The following TMEM163 variants were observed in gnomAD, a reference collection of about 807,000 sequenced individuals.
TMEM163 encodes the protein transmembrane protein 163.
In TMEM163, 17 loss-of-function variants were observed where a neutral mutation model predicts 29.3. The ratio of observed to expected loss-of-function variants is 0.58; its 90% CI spans 0.40 to 0.87. TMEM163 has a LOEUF of 0.87. TMEM163 is among the 40% of genes least tolerant of loss of function. The pLI is 0.00. For synonymous variants in TMEM163, 157 were observed against 160.6 expected, an observed-to-expected ratio of 0.98 and a Z score of 0.17; for missense variants, 303 against 381.5, an observed-to-expected ratio of 0.79 and a Z score of 1.71.
intron 4 of TMEM163, among the ~76,000 whole-genome samples, chr2:134,528,814 A>T (rs1574209826): frequency 6.6e-6 from 1 of 152,234 alleles, no homozygotes. Context: ...CAGACACAAG[A>T]TTGTATAAAG....
chr2:134,686,707 T>A (rs938020207), intron 2 of TMEM163, among the ~76,000 whole-genome samples: 1 of 152,172 alleles, frequency 6.6e-6, no homozygotes, highest in African/African-American at 2.4e-5. Context: ...TTTGGAGGCG[T>A]GGAAGTGAAA....
At chr2:134,695,366 C>T (rs973518045) in intron 2 of TMEM163, among the ~76,000 whole-genome samples, 8 of 151,684 alleles carry the variant, frequency 5.3e-5, no homozygotes, top group African/African-American at 9.7e-5. Flanking sequence ...CGTGAGCCAC[C>T]GTGCCCGGGC....
chr2:134,605,421 G>A (rs1682331303), intron 2 of TMEM163, among the ~76,000 whole-genome samples: 1 of 152,050 alleles, frequency 6.6e-6, no homozygotes. Flanking sequence ...AGAAATATTT[G>A]GGCCAGGCAG....
At chr2:134,667,725 A>G (rs1414431848) in intron 2 of TMEM163, among the ~76,000 whole-genome samples, 2 of 152,238 alleles carry the variant, frequency 1.3e-5, no homozygotes, top group African/African-American at 4.8e-5. Context: ...ATAACACTGT[A>G]TGGATTTTCC....
intron 4 of TMEM163, among the ~76,000 whole-genome samples, chr2:134,548,730 G>A (rs1680843242): frequency 1.3e-5 from 2 of 152,150 alleles, no homozygotes; most frequent in Non-Finnish European, 2.9e-5. Flanking sequence ...ATATATTGGG[G>A]ATGGAACCCA....
intron 2 of TMEM163, among the ~76,000 whole-genome samples, chr2:134,609,839 G>T (rs1163254450): frequency 6.9e-6 from 1 of 144,962 alleles, no homozygotes; most frequent in East Asian, 2.1e-4. Context: ...CCCGAGAACT[G>T]TACTGGTGAA....
chr2:134,615,718 G>A (rs1234284263), intron 2 of TMEM163, among the ~76,000 whole-genome samples: 16 of 141,066 alleles, frequency 1.1e-4, no homozygotes, highest in African/African-American at 4.0e-4. Context: ...GTGCAGTGGC[G>A]CAATCTCGGC....
intron 2 of TMEM163, among the ~76,000 whole-genome samples, chr2:134,620,493 G>A (rs904530385): frequency 6.6e-6 from 1 of 152,114 alleles, no homozygotes; most frequent in East Asian, 1.9e-4. Context: ...CCAACCTCAG[G>A]TGATCCACCT....
chr2:134,692,735 T>C (rs1461542919), intron 2 of TMEM163, among the ~76,000 whole-genome samples: 2 of 152,140 alleles, frequency 1.3e-5, no homozygotes, highest in Admixed American at 1.3e-4. Context: ...CCTGCCCTCA[T>C]CACCTCATCA....
chr2:134,560,578 G>T (rs1405856500), intron 2 of TMEM163, among the ~76,000 whole-genome samples: 3 of 152,136 alleles, frequency 2.0e-5, no homozygotes, highest in Non-Finnish European at 4.4e-5. Flanking sequence ...CCTCTAAATG[G>T]ACCACTGCTT....
intron 4 of TMEM163, among the ~76,000 whole-genome samples, chr2:134,519,925 A>G (rs182176680): frequency 3.3e-5 from 5 of 151,548 alleles, no homozygotes; most frequent in Admixed American, 1.3e-4. Flanking sequence ...ACACACAAAC[A>G]TCCTCTGAAG....
intron 2 of TMEM163, among the ~76,000 whole-genome samples, chr2:134,705,057 A>T (rs188841687): frequency 6.6e-6 from 1 of 152,112 alleles, no homozygotes; most frequent in Non-Finnish European, 1.5e-5. Context: ...TAAAAATACA[A>T]AAACTAGCCA....
chr2:134,528,052 G>A (rs1014653644), intron 4 of TMEM163, among the ~76,000 whole-genome samples: 21 of 152,246 alleles, frequency 1.4e-4, no homozygotes, highest in African/African-American at 5.1e-4. Flanking sequence ...GGACACAGAA[G>A]TCCAACAAGA....
intron 6 of TMEM163, chr2:134,459,230 A>T (rs192572956): frequency 1.4e-4 from 21 of 152,380 alleles, no homozygotes; most frequent in African/African-American, 4.8e-4. Context: ...TCTACTCAGG[A>T]TCCAAGGCAG....
At chr2:134,461,123 C>T (rs2106472305) in intron 6 of TMEM163, among the ~76,000 whole-genome samples, 1 of 152,342 alleles carries the variant, frequency 6.6e-6, no homozygotes, top group African/African-American at 2.4e-5. Flanking sequence ...GCCCCACGAG[C>T]TTGGCCCTGT....
At chr2:134,491,161 T>A (rs1355538468) in intron 5 of TMEM163, among the ~76,000 whole-genome samples, 1 of 152,060 alleles carries the variant, frequency 6.6e-6, no homozygotes, top group Non-Finnish European at 1.5e-5. Context: ...TAGAGAGGCA[T>A]GTGAAGAGCG....
At chr2:134,551,681 G>C (rs907356102) in intron 3 of TMEM163, among the ~76,000 whole-genome samples, 1 of 152,166 alleles carries the variant, frequency 6.6e-6, no homozygotes, top group African/African-American at 2.4e-5. Flanking sequence ...TCATCCTAGC[G>C]CAAGTAGCCC....
At chr2:134,466,332 G>T in intron 5 of TMEM163, 107 bp from the exon 6 acceptor site, 1 of 860,046 alleles carries the variant, frequency 1.2e-6, no homozygotes, top group Non-Finnish European at 1.9e-6. Context: ...AAATAGTCAG[G>T]TGTGCTGCCA....
intron 2 of TMEM163, among the ~76,000 whole-genome samples, chr2:134,568,666 A>G (rs1681354641): frequency 6.6e-6 from 1 of 151,782 alleles, no homozygotes; most frequent in South Asian, 2.1e-4. Flanking sequence ...GAAGGAAGGA[A>G]GGAAAGAAGG....
Sources: gnomAD v4.1 joint callset for allele counts (sites outside exome capture counted in the v4.1 genomes callset) on GRCh38, gnomAD v4.1.1 for gene constraint, MANE v1.5 for transcripts, NCBI Gene and HGNC (gene_info 2026-07-23, HGNC 2026-07-21) for gene names.